Variants in PKP4 observed in about 807,000 individuals in gnomAD.
PKP4 encodes the protein plakophilin-4.
A neutral mutation model predicts 145.1 loss-of-function variants in PKP4; 90 were observed. The observed-to-expected ratio is 0.62, with a 90% CI of 0.52 to 0.74. The LOEUF (loss-of-function observed/expected upper bound fraction) is 0.74. PKP4 is among the 30% of genes least tolerant of loss of function. PKP4 has a pLI of 0.00. For synonymous variants in PKP4, 563 were observed against 577.2 expected, an observed-to-expected ratio of 0.98 and a Z score of 0.35; for missense variants, 1,340 against 1,482.7, an observed-to-expected ratio of 0.90 and a Z score of 1.58.
chr2:158,676,144 CT>C (rs1389554710), intron 19 of PKP4, among the ~76,000 whole-genome samples: 2 of 152,040 alleles, frequency 1.3e-5, no homozygotes, highest in Non-Finnish European at 2.9e-5. Flanking sequence ...ATGAGCCAGG[CT>C]TACTGGGTTT....
intron 2 of PKP4, among the ~76,000 whole-genome samples, chr2:158,545,647 A>G (rs2044960794): frequency 6.6e-6 from 1 of 152,180 alleles, no homozygotes; most frequent in African/African-American, 2.4e-5. Flanking sequence ...TTATATCCAT[A>G]TATAACTGCA....
chr2:158,545,283 G>C (rs888288217), intron 2 of PKP4, among the ~76,000 whole-genome samples: 1 of 151,688 alleles, frequency 6.6e-6, no homozygotes, highest in African/African-American at 2.4e-5. Flanking sequence ...CCTTAGCTTT[G>C]TCCTTTTTGC....
chr2:158,637,566 A>G (rs2053912243), intron 9 of PKP4, among the ~76,000 whole-genome samples: 1 of 152,094 alleles, frequency 6.6e-6, no homozygotes, highest in South Asian at 2.1e-4. Context: ...TCCCTCACAT[A>G]CTACTTGGCC....
At chr2:158,650,819 G>T (rs192551888) in intron 11 of PKP4, among the ~76,000 whole-genome samples, 14 of 152,324 alleles carry the variant, frequency 9.2e-5, no homozygotes, top group African/African-American at 3.4e-4. Context: ...GAACACAGGG[G>T]TGAGCAAGGC....
At chr2:158,508,987 A>T (rs2041258243) in intron 1 of PKP4, among the ~76,000 whole-genome samples, 1 of 152,148 alleles carries the variant, frequency 6.6e-6, no homozygotes, top group Non-Finnish European at 1.5e-5. Flanking sequence ...AGGTCATTAG[A>T]TATTCTTTAG....
At chr2:158,572,325 G>A (rs2047478904) in intron 2 of PKP4, among the ~76,000 whole-genome samples, 1 of 152,210 alleles carries the variant, frequency 6.6e-6, no homozygotes, top group Non-Finnish European at 1.5e-5. Flanking sequence ...ATTCTAACCA[G>A]TCTTTCCCCT....
rs1312471560 is a variant in PKP4, at chr2:158,515,460, A to G, written c.-5-17720A>G. 5.3e-5 allele frequency among the ~76,000 whole-genome samples: 8 copies of G among 152,206 alleles called. No homozygotes were observed. The East Asian group carries it at 1.5e-3, about 29-fold the overall frequency. The stretch of plus-strand genomic sequence containing the variant: ...ACATAGCAAGATCCTATCTCTTGAA[A>G]AAAAAGGAAAAGAAAATAATTGGTA... On this transcript the variant is annotated intron_variant, in intron 1 of 21. Coordinates refer to ENST00000389759, the MANE Select transcript of PKP4 (RefSeq NM_003628.6).
rs1167092091 is a variant in PKP4, at chr2:158,456,999, G to C, written c.-225G>C. 1 of 151,188 alleles carries C rather than the reference G, an allele frequency of 6.6e-6. No homozygotes were observed. Among genetic ancestry groups the C allele is most frequent in the African/African-American group, 2.4e-5 (1 of 41,106 alleles). The allele number at this position is 151,188 out of a possible 1,614,324, so 9.4% of individuals were successfully genotyped here. A position where few individuals can be genotyped will look rare whatever the true frequency, so the allele number is the denominator to read the frequency against. ...AGTCCGCGTCGACGCCGGCCGCGGA[G>C]GCGGCACCATGGGCAAGGGGTAGAG... On this transcript the variant is annotated 5_prime_UTR_variant, in exon 1 of 22. Coordinates refer to ENST00000389759, the MANE Select transcript of PKP4 (RefSeq NM_003628.6).
intron 16 of PKP4, among the ~76,000 whole-genome samples, chr2:158,667,823 C>G (rs1476035034): frequency 6.6e-6 from 1 of 152,156 alleles, no homozygotes; most frequent in East Asian, 1.9e-4. Flanking sequence ...CTCTCAGTTC[C>G]CACACTTCCT....
chr2:158,601,529 G>A (rs1307054820), intron 3 of PKP4, among the ~76,000 whole-genome samples: 1 of 152,158 alleles, frequency 6.6e-6, no homozygotes, highest in Non-Finnish European at 1.5e-5. Context: ...CCTACCCTTA[G>A]GAGCAAGACA....
At chr2:158,586,766 A>C (rs1182144653) in intron 3 of PKP4, among the ~76,000 whole-genome samples, 1 of 152,250 alleles carries the variant, frequency 6.6e-6, no homozygotes, top group Non-Finnish European at 1.5e-5. Context: ...CAGTTCTTCC[A>C]GAAGGCATTT....
At chr2:158,630,926 T>TTTTG (rs145862519) in intron 7 of PKP4, among the ~76,000 whole-genome samples, 33,165 of 151,086 alleles carry the variant, frequency 0.22, 3,850 homozygotes, top group Middle Eastern at 0.35. Flanking sequence ...GAGAAAGTGT[T>TTTTG]TTTGTTTGTT....
intron 3 of PKP4, among the ~76,000 whole-genome samples, chr2:158,595,534 T>C (rs890766915): frequency 6.6e-6 from 1 of 152,158 alleles, no homozygotes; most frequent in African/African-American, 2.4e-5. Context: ...CACAAGAAAC[T>C]AATGGAATAT....
chr2:158,510,624 G>A (rs765777163), intron 1 of PKP4, among the ~76,000 whole-genome samples: 2 of 152,222 alleles, frequency 1.3e-5, no homozygotes, highest in Non-Finnish European at 2.9e-5. Flanking sequence ...TCAAGTGGTA[G>A]TGGAGTTGTT....
At chr2:158,463,315 G>A (rs958116974) in intron 1 of PKP4, among the ~76,000 whole-genome samples, 7 of 151,714 alleles carry the variant, frequency 4.6e-5, no homozygotes, top group African/African-American at 1.7e-4. Context: ...CATGAATAAA[G>A]CGTTAGAAAG....
chr2:158,625,432 G>A lies in PKP4; in HGVS notation c.1153+5G>A. 4 of 1,599,588 alleles carry A rather than the reference G, an allele frequency of 2.5e-6. No homozygotes were observed. Among genetic ancestry groups the A allele is most frequent in the East Asian group, 4.5e-5 (2 of 44,554 alleles). ...CCAGGCCAGACAGCCTGACAGGTGC[G>A]TACAAGGTGACAGTGCTACATAAAA... On this transcript the variant is annotated splice_donor_5th_base_variant and intron_variant, in intron 7 of 21. Transcript: ENST00000389759.
chr2:158,643,296 G>A (rs370890534), intron 11 of PKP4, among the ~76,000 whole-genome samples: 7 of 152,204 alleles, frequency 4.6e-5, no homozygotes, highest in African/African-American at 1.4e-4. Context: ...ACATGAAACT[G>A]AAGTTGGCCT....
chr2:158,550,113 A>T (rs1306044940), intron 2 of PKP4, among the ~76,000 whole-genome samples: 1 of 152,240 alleles, frequency 6.6e-6, no homozygotes, highest in Non-Finnish European at 1.5e-5. Flanking sequence ...TAGATCTCTC[A>T]GAATAAAACA....
chr2:158,647,785 T>C (rs1208293716), intron 11 of PKP4, among the ~76,000 whole-genome samples: 3 of 152,216 alleles, frequency 2.0e-5, no homozygotes, highest in Non-Finnish European at 4.4e-5. Context: ...TATTTTTTGC[T>C]GTTGTTGTAC....
Sources: allele counts gnomAD v4.1 joint callset (sites outside exome capture counted in the v4.1 genomes callset), GRCh38; gene constraint gnomAD v4.1.1; transcripts MANE v1.5; gene names NCBI Gene and HGNC (gene_info 2026-07-23, HGNC 2026-07-21).